Variants in MTR observed in about 807,000 individuals in gnomAD.
MTR encodes the protein methionine synthase.
MTR carries 84 observed loss-of-function variants against 154.8 expected under a neutral mutation model. The ratio of observed to expected loss-of-function variants is 0.54; its 90% confidence interval spans 0.45 to 0.65. The LOEUF is 0.65. MTR is among the 30% of genes least tolerant of loss of function. The pLI, the probability that MTR is intolerant of heterozygous loss-of-function variation, is 0.00. For synonymous variants in MTR, 554 were observed against 553.9 expected (o/e 1.00, Z 0.00); for missense variants, 1,275 against 1,570.2 (o/e 0.81, Z 3.18).
At chr1:236,803,700 T>C (rs1490782577) in intron 2 of MTR, 58 bp downstream of exon 2, 1 of 1,525,634 alleles carries the variant, frequency 6.6e-7, no homozygotes, top group Non-Finnish European at 9.1e-7. Context: ...AGCTGTTTCA[T>C]GTATCAGGGC....
chr1:236,884,625 T>C (rs1234254598), intron 25 of MTR, among the ~76,000 whole-genome samples: 1 of 152,160 alleles, frequency 6.6e-6, no homozygotes, highest in Non-Finnish European at 1.5e-5. Flanking sequence ...TGTGACAACA[T>C]GTAAGGAGCC....
intron 24 of MTR, among the ~76,000 whole-genome samples, chr1:236,880,470 G>A (rs1028345082): frequency 2.0e-5 from 3 of 152,188 alleles, no homozygotes; most frequent in East Asian, 1.9e-4. Context: ...CGTGGGCTGC[G>A]AATGAGCACC....
chr1:236,838,731 C>CACGTATCTGTATACAG lies in MTR; in HGVS notation c.1515+133_1515+134insCGTATCTGTATACAGA, dbSNP rs1338508962. The CACGTATCTGTATACAG allele has an allele frequency of 9.8e-6, 9 of 919,906 alleles. No individual in the cohort carries two copies. In the East Asian group the frequency reaches 2.4e-4, roughly 24 times the overall value. The allele number at this position is 919,906 out of a possible 1,614,324, so 57.0% of individuals were successfully genotyped here. A position where few individuals can be genotyped will look rare whatever the true frequency, so the allele number is the denominator to read the frequency against. On this transcript the variant is annotated intron_variant, in intron 15 of 32. Coordinates refer to ENST00000366577, the MANE Select transcript of MTR (RefSeq NM_000254.3). ...ATCTCTTTCCATATACATTCATGTA[C>CACGTATCTGTATACAG]ATATATGTACACGTATCTGTATACA...
At chr1:236,828,033 A>C (rs529176711) in intron 11 of MTR, among the ~76,000 whole-genome samples, 29 of 152,218 alleles carry the variant, frequency 1.9e-4, no homozygotes, top group African/African-American at 4.3e-4. Context: ...GCTGGAGTGC[A>C]GTGGTGCGAT....
rs746750563 is a variant in MTR, at chr1:236,891,299, C to T, written c.3174C>T (p.Pro1058=). ...CTGCTGTGCCCCAGGCTGCAGAGCC[C>T]ATAGCCACCTTCTATGGGTTAAGGC... ...AEAAVPQAAE[P]IATFYGLRQQ... Residue 1058 remains proline (P), a synonymous_variant, in exon 29 of 33, where the codon CCC becomes CCT. Coordinates refer to ENST00000366577, the MANE Select transcript of MTR (RefSeq NM_000254.3). 3.1e-6 allele frequency: 5 copies of T among 1,614,018 alleles called. No homozygotes were observed. Among genetic ancestry groups the T allele is most frequent in the Non-Finnish European group, 4.2e-6 (5 of 1,180,038 alleles).
intron 10 of MTR, among the ~76,000 whole-genome samples, chr1:236,826,584 C>T (rs775474551): frequency 6.6e-6 from 1 of 152,184 alleles, no homozygotes. Context: ...GTGTGAGCCA[C>T]CATACCCAGC....
intron 19 of MTR, 147 bp downstream of exon 19, chr1:236,860,069 G>GCCCCCCCCCCCCCCCCCCCCCC (rs59525673): frequency 3.7e-6 from 1 of 270,546 alleles, no homozygotes; most frequent in Admixed American, 5.5e-5. Flanking sequence ...TCCCCCAGCT[G>GCCCCCCCCCCCCCCCCCCCCCC]CCCCCCCCCC....
rs1232566845 is a variant in MTR at position 236,795,365 on chromosome 1, C to T, written c.-339C>T. The T allele has an allele frequency of 7.3e-7, 1 of 1,365,576 alleles. No individual in the cohort carries two copies. The highest frequency in any genetic ancestry group is 9.6e-7 in the Non-Finnish European group (1 of 1,038,348). The allele number at this position is 1,365,576 out of a possible 1,614,324, so 84.6% of individuals were successfully genotyped here. A position where few individuals can be genotyped will look rare whatever the true frequency, so the allele number is the denominator to read the frequency against. ...CCGGATGTCACGTCGTCCTCCTCTGCCGGTTTTCTCTTGGGTCCTTTTCCG... is the reference window on the plus strand; with the variant it reads ...CCGGATGTCACGTCGTCCTCCTCTGTCGGTTTTCTCTTGGGTCCTTTTCCG... On this transcript the variant is annotated 5_prime_UTR_variant, in exon 1 of 33. Coordinates refer to ENST00000366577, the MANE Select transcript of MTR (RefSeq NM_000254.3).
At chr1:236,807,066 C>T (rs766551656) in intron 3 of MTR, among the ~76,000 whole-genome samples, 1 of 152,170 alleles carries the variant, frequency 6.6e-6, no homozygotes, top group Non-Finnish European at 1.5e-5. Flanking sequence ...AGCATGTATT[C>T]AAGTCCCCAC....
intron 5 of MTR, among the ~76,000 whole-genome samples, chr1:236,812,133 C>T (rs1222924502): frequency 2.0e-5 from 3 of 152,240 alleles, no homozygotes; most frequent in Non-Finnish European, 4.4e-5. Flanking sequence ...TCTGCTCACC[C>T]CAGGCCCCCA....
chr1:236,836,638 G>A (rs1333968379), intron 14 of MTR, among the ~76,000 whole-genome samples: 1 of 152,180 alleles, frequency 6.6e-6, no homozygotes, highest in Non-Finnish European at 1.5e-5. Context: ...GGCTTCAGCA[G>A]ATTCAGCAGA....
chr1:236,882,794 C>T (rs11576943), intron 25 of MTR, among the ~76,000 whole-genome samples: 53,272 of 152,074 alleles, frequency 0.35, 10,163 homozygotes, highest in East Asian at 0.44. Flanking sequence ...GGTCCAGCCA[C>T]GCAGCCAGCA....
intron 15 of MTR, among the ~76,000 whole-genome samples, chr1:236,844,453 C>CGTGTGTGTGTGTGT (rs58179715): frequency 1.4e-5 from 2 of 145,358 alleles, no homozygotes; most frequent in African/African-American, 5.1e-5. Context: ...TCAGAAAGGG[C>CGTGTGTGTGTGTGT]GTGTGTGTGT....
At chr1:236,797,951 T>TA (rs143074160) in intron 1 of MTR, among the ~76,000 whole-genome samples, 49,805 of 141,620 alleles carry the variant, frequency 0.35, 9,439 homozygotes, top group East Asian at 0.43. Context: ...GAGTGAGACT[T>TA]AGTCTCCAAA....
chr1:236,798,864 G>A (rs1660549396), intron 1 of MTR, among the ~76,000 whole-genome samples: 1 of 152,152 alleles, frequency 6.6e-6, no homozygotes, highest in South Asian at 2.1e-4. Flanking sequence ...ACTCTGCCAG[G>A]GGAAGGAATT....
intron 31 of MTR, among the ~76,000 whole-genome samples, chr1:236,896,109 A>G (rs759197887): frequency 1.2e-4 from 19 of 152,208 alleles, no homozygotes; most frequent in Non-Finnish European, 2.5e-4. Flanking sequence ...ACAAGCTGGC[A>G]TGTGCCTTTC....
chr1:236,833,257 G>A (rs1036425064), intron 13 of MTR, among the ~76,000 whole-genome samples: 1 of 152,126 alleles, frequency 6.6e-6, no homozygotes, highest in Non-Finnish European at 1.5e-5. Flanking sequence ...TGCTTCTTAT[G>A]CCTATTCTAT....
chr1:236,895,034 T>C, intron 30 of MTR: 1 of 407,468 alleles, frequency 2.5e-6, no homozygotes, highest in South Asian at 2.3e-5. Context: ...AACTAGCAGC[T>C]GTATGGTCCC....
At chr1:236,800,080 A>G in intron 1 of MTR, 1 of 985,252 alleles carries the variant, frequency 1.0e-6, no homozygotes. Flanking sequence ...GGAATACAGT[A>G]AGGGCCCCAT....
Sources: gnomAD v4.1 joint callset for allele counts (sites outside exome capture counted in the v4.1 genomes callset) on GRCh38, gnomAD v4.1.1 for gene constraint, MANE v1.5 for transcripts, NCBI Gene and HGNC (gene_info 2026-07-23, HGNC 2026-07-21) for gene names.